Variants in HDAC9 observed in about 807,000 individuals in gnomAD.
The protein encoded by HDAC9 is histone deacetylase 9.
A neutral mutation model predicts 139.4 loss-of-function variants in HDAC9; 41 were observed. That is an observed-to-expected ratio of 0.29 (90% CI 0.23 to 0.38). HDAC9 has a LOEUF of 0.38. Ranked by LOEUF, HDAC9 falls within the 10% of genes least tolerant of loss-of-function variation. The pLI, the probability that HDAC9 is intolerant of heterozygous loss-of-function variation, is 1.00. For missense variants in HDAC9, 1,147 were observed against 1,297.0 expected (o/e 0.88, Z 1.78); for synonymous variants, 517 against 476.2 (o/e 1.09, Z -1.12).
intron 12 of HDAC9, among the ~76,000 whole-genome samples, chr7:18,706,881 C>T (rs921832276): frequency 1.2e-4 from 18 of 152,040 alleles, no homozygotes; most frequent in African/African-American, 4.1e-4. Flanking sequence ...AGAGTTAGGT[C>T]GAGGGTGCCT....
intron 16 of HDAC9, among the ~76,000 whole-genome samples, chr7:18,785,940 T>TA (rs888315405): frequency 6.6e-5 from 10 of 152,262 alleles, no homozygotes; most frequent in Admixed American, 6.5e-4. Context: ...TGGATCTTAG[T>TA]AAATACTCAA....
chr7:18,449,030 C>T (rs1194605297), intron 1 of HDAC9, among the ~76,000 whole-genome samples: 2 of 152,120 alleles, frequency 1.3e-5, no homozygotes, highest in Non-Finnish European at 1.5e-5. Context: ...TAAAATCTTA[C>T]CTTTTTGTGC....
At chr7:18,775,207 C>T (rs1417491015) in intron 16 of HDAC9, among the ~76,000 whole-genome samples, 1 of 151,778 alleles carries the variant, frequency 6.6e-6, no homozygotes. Flanking sequence ...CACAGATGGG[C>T]ATAAAAGATA....
intron 22 of HDAC9, among the ~76,000 whole-genome samples, chr7:18,909,417 TTG>T (rs1198836865): frequency 6.6e-6 from 1 of 152,056 alleles, no homozygotes; most frequent in African/African-American, 2.4e-5. Flanking sequence ...TGTTTTATTT[TTG>T]CTTTTGTTGC....
At chr7:18,773,862 C>T (rs1281104709) in intron 16 of HDAC9, among the ~76,000 whole-genome samples, 3 of 152,070 alleles carry the variant, frequency 2.0e-5, no homozygotes, top group African/African-American at 4.8e-5. Flanking sequence ...TCCAGATATT[C>T]ACCCCCGTAA....
chr7:18,255,521 C>T (rs957435928), intron 2 of HDAC9, among the ~76,000 whole-genome samples: 29 of 151,654 alleles, frequency 1.9e-4, no homozygotes, highest in Admixed American at 1.6e-3. Context: ...TTATTCAGCT[C>T]GGAAACATAG....
rs1786563802 is a variant in HDAC9 at position 18,998,056 on chromosome 7, G to GTGAT, written c.*1997_*2000dup. 6.6e-6 allele frequency: 1 copy of GTGAT among 152,028 alleles called. No individual in the cohort carries two copies. Among genetic ancestry groups the GTGAT allele is most frequent in the South Asian group, 2.1e-4 (1 of 4,826 alleles). 9.4% of individuals were successfully genotyped at this position (152,028 alleles called of 1,614,324 possible). The stretch of plus-strand genomic sequence containing the variant: ...ATTTGCTAGCTTATGTTATTTTGCA[G>GTGAT]TGATTGCTTGAGGATATTTACTTAA... On this transcript the variant is annotated 3_prime_UTR_variant, in exon 26 of 26. Coordinates refer to ENST00000686413, the MANE Select transcript of HDAC9 (RefSeq NM_178425.4).
intron 19 of HDAC9, among the ~76,000 whole-genome samples, chr7:18,833,915 C>G (rs1426822659): frequency 6.6e-6 from 1 of 152,180 alleles, no homozygotes. Flanking sequence ...TCATATAAGT[C>G]TCCTATGGAG....
At chr7:18,841,046 T>C (rs1460328563) in intron 21 of HDAC9, among the ~76,000 whole-genome samples, 2 of 152,084 alleles carry the variant, frequency 1.3e-5, no homozygotes, top group African/African-American at 2.4e-5. Context: ...AATGGTTGGG[T>C]TTACCTTGGA....
chr7:18,881,402 A>C (rs557719455), intron 22 of HDAC9, among the ~76,000 whole-genome samples: 1 of 152,180 alleles, frequency 6.6e-6, no homozygotes, highest in African/African-American at 2.4e-5. Context: ...AGGTGCAGAT[A>C]CTCAATAAAA....
chr7:18,431,492 C>G (rs1435145607), intron 1 of HDAC9, among the ~76,000 whole-genome samples: 1 of 152,140 alleles, frequency 6.6e-6, no homozygotes, highest in Non-Finnish European at 1.5e-5. Context: ...ATCTGTTATA[C>G]TTTAATTTTA....
intron 15 of HDAC9, among the ~76,000 whole-genome samples, chr7:18,764,583 C>G (rs1168978809): frequency 1.3e-5 from 2 of 151,824 alleles, no homozygotes; most frequent in Non-Finnish European, 2.9e-5. Context: ...ACTTTTTTTG[C>G]TCTTTGTGGC....
At chr7:18,911,488 T>C (rs1402225393) in intron 22 of HDAC9, among the ~76,000 whole-genome samples, 2 of 151,950 alleles carry the variant, frequency 1.3e-5, no homozygotes, top group South Asian at 2.1e-4. Flanking sequence ...TGTTCATCTT[T>C]TGTATTTTTT....
chr7:18,587,311 A>T (rs988464744), intron 3 of HDAC9, among the ~76,000 whole-genome samples: 1 of 152,214 alleles, frequency 6.6e-6, no homozygotes, highest in Non-Finnish European at 1.5e-5. Context: ...CCTGTGAGAA[A>T]AAAGAATTAT....
intron 6 of HDAC9, among the ~76,000 whole-genome samples, chr7:18,625,105 C>T (rs1841312694): frequency 6.6e-6 from 1 of 151,996 alleles, no homozygotes; most frequent in Non-Finnish European, 1.5e-5. Context: ...TGCCTTTTTG[C>T]ATAACTCCAC....
At chr7:18,257,750 T>A (rs889586195) in intron 2 of HDAC9, among the ~76,000 whole-genome samples, 4 of 152,198 alleles carry the variant, frequency 2.6e-5, no homozygotes, top group Non-Finnish European at 4.4e-5. Flanking sequence ...CTTAAAAACA[T>A]CCTTACAAGT....
At chr7:18,876,279 G>T (rs1188522177) in intron 22 of HDAC9, among the ~76,000 whole-genome samples, 1 of 151,808 alleles carries the variant, frequency 6.6e-6, no homozygotes, top group Non-Finnish European at 1.5e-5. Context: ...TCTTCATTGT[G>T]TTCCATCTCA....
At chr7:18,279,883 T>C (rs1424602132) in intron 2 of HDAC9, among the ~76,000 whole-genome samples, 1 of 152,190 alleles carries the variant, frequency 6.6e-6, no homozygotes, top group African/African-American at 2.4e-5. Context: ...TATTAAGGAA[T>C]TATGATGTAA....
chr7:18,664,544 C>G (rs1320407180), intron 11 of HDAC9, among the ~76,000 whole-genome samples: 5 of 152,092 alleles, frequency 3.3e-5, no homozygotes, highest in Non-Finnish European at 5.9e-5. Flanking sequence ...CTTTTGGTGA[C>G]TTAGATGCGC....
Sources: gnomAD v4.1 joint callset for allele counts (sites outside exome capture counted in the v4.1 genomes callset) on GRCh38, gnomAD v4.1.1 for gene constraint, MANE v1.5 for transcripts, NCBI Gene and HGNC (gene_info 2026-07-23, HGNC 2026-07-21) for gene names.